Variants in ADCY5 observed in about 807,000 individuals in gnomAD.
ADCY5 encodes adenylate cyclase 5, also known as adenylate cyclase type 5.
A neutral mutation model predicts 119.7 loss-of-function variants in ADCY5; 30 were observed. The observed-to-expected ratio is 0.25, with a 90% confidence interval of 0.19 to 0.34. ADCY5 has a LOEUF of 0.34. Ranked by LOEUF, ADCY5 falls within the 10% of genes least tolerant of loss-of-function variation. ADCY5 has a pLI of 1.00. For synonymous variants in ADCY5, 753 were observed against 762.2 expected, an observed-to-expected ratio of 0.99 and a Z score of 0.20; for missense variants, 1,324 against 1,775.2, an observed-to-expected ratio of 0.75 and a Z score of 4.57.
chr3:123,355,064 C>A (rs1430166209), intron 1 of ADCY5, among the ~76,000 whole-genome samples: 1 of 152,184 alleles, frequency 6.6e-6, no homozygotes, highest in Non-Finnish European at 1.5e-5. Context: ...GTTGTTCCCT[C>A]TCGTCACTCC....
chr3:123,296,905 C>A, intron 16 of ADCY5: 1 of 1,306,728 alleles, frequency 7.7e-7, no homozygotes, highest in Non-Finnish European at 1.0e-6. Flanking sequence ...ACAGAGGCTC[C>A]AGTGACCCCC....
At chr3:123,397,149 G>C (rs1301646636) in intron 1 of ADCY5, among the ~76,000 whole-genome samples, 1 of 152,166 alleles carries the variant, frequency 6.6e-6, no homozygotes, top group Non-Finnish European at 1.5e-5. Flanking sequence ...GGAAGGGAAG[G>C]GGCCCTGCCA....
chr3:123,363,453 C>T (rs1943329131), intron 1 of ADCY5, among the ~76,000 whole-genome samples: 1 of 152,136 alleles, frequency 6.6e-6, no homozygotes, highest in African/African-American at 2.4e-5. Flanking sequence ...GAAGAGCTTT[C>T]CAAATATTCA....
At chr3:123,340,635 A>G (rs1166113380) in intron 3 of ADCY5, among the ~76,000 whole-genome samples, 1 of 152,172 alleles carries the variant, frequency 6.6e-6, no homozygotes. Context: ...GTCCCCACCA[A>G]TTAAGGCAAA....
At position 123,327,324 on chromosome 3, in the gene ADCY5, G is replaced by A. The variant is rs577383175; in HGVS notation, c.1947+294C>T. 2.0e-5 allele frequency among the ~76,000 whole-genome samples: 3 copies of A among 152,200 alleles called. 1 individual carries two copies. In the South Asian group the frequency reaches 6.2e-4, roughly 32 times the overall value. ...GGAGAGAGATGGAGATAAAATATAC[G>A]GTATCCACAGACTCCCTTGATGCTG... On this transcript the variant is annotated intron_variant, in intron 7 of 20. Transcript: ENST00000462833.
chr3:123,291,269 C>A lies in ADCY5; in HGVS notation c.3171G>T (p.Arg1057=), dbSNP rs1189031740. Residue 1057 remains arginine, a synonymous_variant, in exon 18 of 21, where the codon CGG becomes CGT. Transcript: ENST00000462833. The part of the protein sequence containing the change: ...DVAAHFLARE[R]RNDELYYQSC... ...ACTGATAGTAGAGCTCATCATTGCGCCGCTCGCGGGCCAGGAAGTGAGCGG... is the reference window on the plus strand; with the variant it reads ...ACTGATAGTAGAGCTCATCATTGCGACGCTCGCGGGCCAGGAAGTGAGCGG... 4 of 1,613,886 alleles carry A rather than the reference C, an allele frequency of 2.5e-6. No individual in the cohort carries two copies. Among genetic ancestry groups the A allele is most frequent in the Non-Finnish European group, 3.4e-6 (4 of 1,180,056 alleles).
At chr3:123,358,516 C>T (rs780858618) in intron 1 of ADCY5, among the ~76,000 whole-genome samples, 1 of 152,228 alleles carries the variant, frequency 6.6e-6, no homozygotes. Context: ...AGGAGGATCA[C>T]TTGAGCCCAG....
chr3:123,367,982 C>T, intron 1 of ADCY5: 1 of 1,522,386 alleles, frequency 6.6e-7, no homozygotes, highest in Middle Eastern at 1.7e-4. Flanking sequence ...ACTACACAGG[C>T]TGCCCTGTGG....
intron 11 of ADCY5, among the ~76,000 whole-genome samples, chr3:123,317,640 CAGG>C (rs1438877841): frequency 2.0e-5 from 3 of 151,388 alleles, no homozygotes; most frequent in Non-Finnish European, 2.9e-5. Flanking sequence ...GAGGCTGAGG[CAGG>C]AGAATTGCTT....
rs908424620 is a variant in ADCY5, at chr3:123,338,711, C to T, written c.1407-6036G>A. 3.3e-5 allele frequency among the ~76,000 whole-genome samples: 5 copies of T among 152,226 alleles called. No individual in the cohort carries two copies. The South Asian group carries it at 1.0e-3, about 31-fold the overall frequency. On this transcript the variant is annotated intron_variant, in intron 3 of 20. Transcript: ENST00000462833. ...TCCATCACTCACAGTCTCCTGCATTCTATTCCAGGGGCAAGAGTGGGAGAC... is the reference window on the plus strand; with the variant it reads ...TCCATCACTCACAGTCTCCTGCATTTTATTCCAGGGGCAAGAGTGGGAGAC...
At chr3:123,383,704 G>A (rs192252212) in intron 1 of ADCY5, among the ~76,000 whole-genome samples, 1 of 151,874 alleles carries the variant, frequency 6.6e-6, no homozygotes, top group Non-Finnish European at 1.5e-5. Context: ...CTCAGCTAGG[G>A]GGTTTAAACT....
chr3:123,306,186 T>C (rs914006878), intron 12 of ADCY5, among the ~76,000 whole-genome samples: 5 of 152,240 alleles, frequency 3.3e-5, no homozygotes, highest in Admixed American at 6.5e-5. Flanking sequence ...TCCTGCTTAA[T>C]AGACATAAAA....
At chr3:123,345,559 G>A (rs1036881048) in intron 3 of ADCY5, among the ~76,000 whole-genome samples, 4 of 152,162 alleles carry the variant, frequency 2.6e-5, no homozygotes, top group African/African-American at 4.8e-5. Context: ...GACTTGGCTC[G>A]TATATGTTGG....
At chr3:123,358,653 G>T (rs777750130) in intron 1 of ADCY5, among the ~76,000 whole-genome samples, 8 of 152,144 alleles carry the variant, frequency 5.3e-5, no homozygotes, top group Non-Finnish European at 8.8e-5. Flanking sequence ...GATGGGGTCC[G>T]AGTGGACAAG....
chr3:123,297,481 C>T, intron 15 of ADCY5, 99 bp from the exon 16 acceptor site: 1 of 1,322,748 alleles, frequency 7.6e-7, no homozygotes. Flanking sequence ...CTGTCCCCAC[C>T]ACTGCTGCTC....
intron 1 of ADCY5, among the ~76,000 whole-genome samples, chr3:123,426,299 G>GTT (rs750760543): frequency 0.11 from 11,029 of 97,644 alleles, 451 homozygotes; most frequent in Non-Finnish European, 0.13. Context: ...TTTCTTTTGT[G>GTT]TTTTTTTTTT....
chr3:123,444,353 C>G (rs984547433), intron 1 of ADCY5, among the ~76,000 whole-genome samples: 4 of 151,960 alleles, frequency 2.6e-5, no homozygotes, highest in Non-Finnish European at 5.9e-5. Flanking sequence ...GAAAGCAGAG[C>G]CTGCAGGAAG....
intron 12 of ADCY5, among the ~76,000 whole-genome samples, chr3:123,310,385 G>A (rs1004739939): frequency 3.9e-5 from 6 of 152,150 alleles, no homozygotes; most frequent in Non-Finnish European, 5.9e-5. Flanking sequence ...AGTGGAACAT[G>A]TGGAGCTGGC....
rs893493270 is a variant in ADCY5, at chr3:123,377,822, C to T, written c.1135-25241G>A. Among the ~76,000 whole-genome samples the T allele has an allele frequency of 6.8e-5, 10 of 146,116 alleles. 1 individual carries two copies. Among genetic ancestry groups the T allele is most frequent in the East Asian group, 2.2e-4 (1 of 4,648 alleles). ...GTGTGTGCCTGTAGTCCCAGCTACT[C>T]GGGAGGCTGAGACAGAAGAATCACT... On this transcript the variant is annotated intron_variant, in intron 1 of 20. Transcript: ENST00000462833.
Sources: gnomAD v4.1 joint callset for allele counts (sites outside exome capture counted in the v4.1 genomes callset) on GRCh38, gnomAD v4.1.1 for gene constraint, MANE v1.5 for transcripts, NCBI Gene and HGNC (gene_info 2026-07-23, HGNC 2026-07-21) for gene names.